The following AAK1 variants were observed in gnomAD, a reference collection of about 807,000 sequenced individuals.
AAK1 encodes the protein AP2 associated kinase 1, also known as AP2-associated protein kinase 1.
AAK1 carries 37 observed loss-of-function variants against 116.0 expected under a neutral mutation model. The ratio of observed to expected loss-of-function variants is 0.32; its 90% CI spans 0.25 to 0.42. AAK1 has a LOEUF of 0.42. Among genes scored for constraint, AAK1 ranks in the 10% least tolerant of loss-of-function variants. The pLI, the probability that AAK1 is intolerant of heterozygous loss-of-function variation, is 1.00. For missense variants in AAK1, 919 were observed against 1,170.6 expected, an observed-to-expected ratio of 0.79 and a Z score of 3.14; for synonymous variants, 458 against 439.9, an observed-to-expected ratio of 1.04 and a Z score of -0.51.
At position 69,471,424 on chromosome 2, in the gene AAK1, TG is replaced by T. The variant is rs1674671888; in HGVS notation, c.*4444del. The T allele has an allele frequency of 9.1e-6, 9 of 985,446 alleles. No individual in the cohort carries two copies. The highest frequency in any genetic ancestry group is 1.1e-5 in the Non-Finnish European group (9 of 829,934). 61.0% of individuals were successfully genotyped at this position (985,446 alleles called of 1,614,324 possible). Reference sequence around the variant, plus strand: ...ATGTGGAAAAAGAAAAGGCTGACTTTGTGTTGATAAAATTATAGCCTTTAGA... The same window carrying T: ...ATGTGGAAAAAGAAAAGGCTGACTTTTGTTGATAAAATTATAGCCTTTAGA... On this transcript the variant is annotated 3_prime_UTR_variant, in exon 22 of 22. Coordinates refer to ENST00000409085, the MANE Select transcript of AAK1 (RefSeq NM_014911.5).
chr2:69,545,488 A>T (rs756717832), intron 3 of AAK1, among the ~76,000 whole-genome samples: 2 of 152,240 alleles, frequency 1.3e-5, no homozygotes, highest in Non-Finnish European at 2.9e-5. Flanking sequence ...GAAGGAAAAC[A>T]TGTGGTCCCC....
At chr2:69,521,119 G>T (rs1170326858) in intron 10 of AAK1, 131 bp from the exon 11 acceptor site, 9 of 996,622 alleles carry the variant, frequency 9.0e-6, no homozygotes, top group Non-Finnish European at 1.3e-5. Flanking sequence ...GCTTCCCAAA[G>T]AATCTCCCAC....
At chr2:69,635,472 G>A (rs1283287715) in intron 2 of AAK1, among the ~76,000 whole-genome samples, 3 of 152,226 alleles carry the variant, frequency 2.0e-5, no homozygotes, top group Middle Eastern at 3.2e-3. Context: ...GCAGGGTCTT[G>A]AAGAGATATT....
At chr2:69,641,722 G>C (rs1675733425) in intron 2 of AAK1, among the ~76,000 whole-genome samples, 1 of 152,098 alleles carries the variant, frequency 6.6e-6, no homozygotes, top group African/African-American at 2.4e-5. Flanking sequence ...CCCAGGCCCA[G>C]GTCAGGACCC....
intron 16 of AAK1, among the ~76,000 whole-genome samples, chr2:69,504,397 C>CAAAAA (rs57214954): frequency 1.2e-4 from 7 of 57,772 alleles, no homozygotes; most frequent in African/African-American, 2.8e-4. Flanking sequence ...GACTCCATCT[C>CAAAAA]AAAAAAAAAA....
At position 69,473,385 on chromosome 2, in the gene AAK1, A is replaced by G; in HGVS notation, c.*2484T>C. On this transcript the variant is annotated 3_prime_UTR_variant, in exon 22 of 22. Coordinates refer to ENST00000409085, the MANE Select transcript of AAK1 (RefSeq NM_014911.5). ...AATAAACTCTTTCAGCTCAGGGATG[A>G]TGCTCTAAACCAAGGAAGGCTCCGT... 2.0e-6 allele frequency: 2 copies of G among 985,502 alleles called. No homozygotes were observed. The highest frequency in any genetic ancestry group is 2.4e-6 in the Non-Finnish European group (2 of 829,962). 61.0% of individuals were successfully genotyped at this position (985,502 alleles called of 1,614,324 possible).
chr2:69,575,955 C>T (rs1476974731), intron 2 of AAK1, among the ~76,000 whole-genome samples: 1 of 152,124 alleles, frequency 6.6e-6, no homozygotes, highest in African/African-American at 2.4e-5. Flanking sequence ...TCCTGATGGG[C>T]TAATTTCCTA....
chr2:69,469,062 T>C lies in AAK1; in HGVS notation c.*6807A>G. On this transcript the variant is annotated 3_prime_UTR_variant, in exon 22 of 22. Transcript: ENST00000409085. ...AAACAAGGACAAGAGCTATTTCCTATCTTTCTTTCAGCATCAACAGGCTTT... is the reference window on the plus strand; with the variant it reads ...AAACAAGGACAAGAGCTATTTCCTACCTTTCTTTCAGCATCAACAGGCTTT... 1 of 985,432 alleles carries C rather than the reference T, an allele frequency of 1.0e-6. No homozygotes were observed. 61.0% of individuals were successfully genotyped at this position (985,432 alleles called of 1,614,324 possible).
At chr2:69,489,563 C>T (rs62135776) in intron 17 of AAK1, among the ~76,000 whole-genome samples, 2,236 of 151,646 alleles carry the variant, frequency 0.015, 30 homozygotes, top group Non-Finnish European at 0.022. Context: ...AGGAGTAGAA[C>T]GGCAGGACTC....
At chr2:69,498,501 C>T (rs1414936723) in intron 16 of AAK1, among the ~76,000 whole-genome samples, 2 of 152,278 alleles carry the variant, frequency 1.3e-5, no homozygotes, top group East Asian at 3.9e-4. Flanking sequence ...GCTGACCGGG[C>T]CTCTTTCTCC....
intron 12 of AAK1, among the ~76,000 whole-genome samples, chr2:69,518,639 G>T (rs997246708): frequency 6.6e-6 from 1 of 151,930 alleles, no homozygotes; most frequent in Non-Finnish European, 1.5e-5. Flanking sequence ...GGATGGTCTC[G>T]ATCTCTTGAC....
At chr2:69,563,398 G>A (rs1177477287) in intron 2 of AAK1, among the ~76,000 whole-genome samples, 1 of 152,218 alleles carries the variant, frequency 6.6e-6, no homozygotes, top group Non-Finnish European at 1.5e-5. Flanking sequence ...ATGAGACAAA[G>A]AAGCCCATCA....
intron 2 of AAK1, among the ~76,000 whole-genome samples, chr2:69,601,916 C>T (rs1448518854): frequency 1.3e-5 from 2 of 152,126 alleles, no homozygotes; most frequent in Non-Finnish European, 2.9e-5. Flanking sequence ...AGTGGAGAAG[C>T]CTGGCAGATA....
Position 69,475,741 on chromosome 2 carries a change from G to T in AAK1, c.*128C>A. ...TTTCTACAGGAGAAGGCAAGGGGTA[G>T]GAGAAAAGGGCTGGAGGGCCCCTTA... On this transcript the variant is annotated 3_prime_UTR_variant, in exon 22 of 22. Coordinates refer to ENST00000409085, the MANE Select transcript of AAK1 (RefSeq NM_014911.5). 6.9e-7 allele frequency: 1 copy of T among 1,448,676 alleles called. No individual in the cohort carries two copies. The highest frequency in any genetic ancestry group is 2.5e-5 in the East Asian group (1 of 39,942). 89.7% of individuals were successfully genotyped at this position (1,448,676 alleles called of 1,614,324 possible).
intron 2 of AAK1, among the ~76,000 whole-genome samples, chr2:69,564,417 G>GA (rs35843540): frequency 9.4e-4 from 130 of 137,798 alleles, no homozygotes; most frequent in Middle Eastern, 3.6e-3. Flanking sequence ...AGAAAGGCTA[G>GA]AAAAAAAAAA....
At chr2:69,577,190 G>T (rs1558975003) in intron 2 of AAK1, among the ~76,000 whole-genome samples, 2 of 152,236 alleles carry the variant, frequency 1.3e-5, no homozygotes, top group African/African-American at 4.8e-5. Flanking sequence ...AAATCTGGTT[G>T]TTTGCCCAGT....
In AAK1 at chr2:69,474,385, A is replaced by G; in HGVS notation, c.*1484T>C. 1.0e-6 allele frequency: 1 copy of G among 985,866 alleles called. No homozygotes were observed. Among genetic ancestry groups the G allele is most frequent in the Non-Finnish European group, 1.2e-6 (1 of 829,922 alleles). The allele number at this position is 985,866 out of a possible 1,614,324, so 61.1% of individuals were successfully genotyped here. A position where few individuals can be genotyped will look rare whatever the true frequency, so the allele number is the denominator to read the frequency against. The stretch of plus-strand genomic sequence containing the variant: ...CTTCTTTTCAAAAGGGTGATTTTAT[A>G]AAAGTGCTTTCCACATAAGGAAATA... On this transcript the variant is annotated 3_prime_UTR_variant, in exon 22 of 22. Transcript: ENST00000409085.
intron 2 of AAK1, among the ~76,000 whole-genome samples, chr2:69,566,592 A>G (rs931354659): frequency 2.0e-5 from 3 of 152,154 alleles, no homozygotes; most frequent in Non-Finnish European, 4.4e-5. Context: ...CAGGCTGAAC[A>G]TGGCACACTG....
chr2:69,469,408 G>C lies in AAK1; in HGVS notation c.*6461C>G. 2.0e-6 allele frequency: 2 copies of C among 985,430 alleles called. No homozygotes were observed. Among genetic ancestry groups the C allele is most frequent in the Non-Finnish European group, 1.2e-6 (1 of 829,928 alleles). 61.0% of individuals were successfully genotyped at this position (985,430 alleles called of 1,614,324 possible). A position where few individuals can be genotyped will look rare whatever the true frequency, so the allele number is the denominator to read the frequency against. On this transcript the variant is annotated 3_prime_UTR_variant, in exon 22 of 22. Coordinates refer to ENST00000409085, the MANE Select transcript of AAK1 (RefSeq NM_014911.5). ...GATAAAAGTCTTTTTTTGAGTATGT[G>C]AATGTGTTCTTACAGGGAAAATGTG...
Sources: allele counts gnomAD v4.1 joint callset (sites outside exome capture counted in the v4.1 genomes callset), GRCh38; gene constraint gnomAD v4.1.1; transcripts MANE v1.5; gene names NCBI Gene and HGNC (gene_info 2026-07-23, HGNC 2026-07-21).